PCDH9: variants seen among roughly 807,000 people sequenced by gnomAD.
The protein encoded by PCDH9 is protocadherin 9.
In PCDH9, 24 loss-of-function variants were observed where a neutral mutation model predicts 70.6. The observed-to-expected ratio is 0.34, with a 90% CI of 0.25 to 0.48. PCDH9 has a LOEUF of 0.48. Among genes scored for constraint, PCDH9 ranks in the 20% least tolerant of loss-of-function variants. The probability of loss-of-function intolerance (pLI) is 0.99; values close to 1 mark genes in which losing one functional copy is unlikely to be tolerated. For missense variants in PCDH9, 1,281 were observed against 1,503.6 expected, an observed-to-expected ratio of 0.85 and a Z score of 2.45; for synonymous variants, 562 against 558.5, an observed-to-expected ratio of 1.01 and a Z score of -0.09.
chr13:66,950,119 T>C (rs1046708730), intron 2 of PCDH9, among the ~76,000 whole-genome samples: 2 of 152,120 alleles, frequency 1.3e-5, no homozygotes, highest in Non-Finnish European at 2.9e-5. Context: ...TTAAGTGATA[T>C]ATAGTAATAA....
intron 4 of PCDH9, among the ~76,000 whole-genome samples, chr13:66,418,389 T>C (rs1485454619): frequency 2.6e-5 from 4 of 152,162 alleles, no homozygotes; most frequent in Admixed American, 6.5e-5. Flanking sequence ...CAGCACAATG[T>C]TGTTTGGTTA....
chr13:67,009,207 T>G (rs1302381792), intron 2 of PCDH9, among the ~76,000 whole-genome samples: 2 of 151,998 alleles, frequency 1.3e-5, no homozygotes, highest in Non-Finnish European at 1.5e-5. Context: ...GCTCTAGAAT[T>G]TGCCTTCCCA....
chr13:66,774,667 C>A (rs1248861603), intron 3 of PCDH9, among the ~76,000 whole-genome samples: 1 of 152,128 alleles, frequency 6.6e-6, no homozygotes, highest in Non-Finnish European at 1.5e-5. Context: ...CATATCCATC[C>A]CTCAAGGTGA....
chr13:66,765,323 G>GA (rs2139260863), intron 3 of PCDH9, among the ~76,000 whole-genome samples: 1 of 152,014 alleles, frequency 6.6e-6, no homozygotes, highest in South Asian at 2.1e-4. Flanking sequence ...ATCCAACCCT[G>GA]AAAAAAGATA....
chr13:66,668,575 C>T (rs1453894994), intron 3 of PCDH9, among the ~76,000 whole-genome samples: 1 of 152,000 alleles, frequency 6.6e-6, no homozygotes, highest in African/African-American at 2.4e-5. Context: ...TCTAAATAGC[C>T]CCCTTGTTTG....
chr13:66,605,988 G>T (rs1448044805), intron 4 of PCDH9, among the ~76,000 whole-genome samples: 1 of 152,040 alleles, frequency 6.6e-6, no homozygotes, highest in East Asian at 1.9e-4. Flanking sequence ...TGCAGTTTGG[G>T]GTAGTGACAT....
intron 2 of PCDH9, among the ~76,000 whole-genome samples, chr13:67,058,557 T>C (rs1472523019): frequency 1.3e-5 from 2 of 152,134 alleles, no homozygotes; most frequent in Non-Finnish European, 2.9e-5. Context: ...TAACTACACA[T>C]ACTTTTCCTC....
chr13:66,372,834 G>C (rs1436462757), intron 4 of PCDH9, among the ~76,000 whole-genome samples: 4 of 151,876 alleles, frequency 2.6e-5, no homozygotes, highest in East Asian at 1.9e-4. Context: ...GAGAATATTA[G>C]ATGACCCTAA....
At chr13:67,186,014 G>A (rs1007565410) in intron 2 of PCDH9, among the ~76,000 whole-genome samples, 1 of 152,162 alleles carries the variant, frequency 6.6e-6, no homozygotes, top group Non-Finnish European at 1.5e-5. Context: ...TTACAGGCAT[G>A]AGCCACTGTG....
chr13:66,860,335 GGGGGA>G (rs2081461790), intron 3 of PCDH9, among the ~76,000 whole-genome samples: 1 of 152,096 alleles, frequency 6.6e-6, no homozygotes, highest in African/African-American at 2.4e-5. Flanking sequence ...TTTATTGGCT[GGGGGA>G]GGGGAGGGGT....
In PCDH9 at chr13:67,226,793, G is replaced by A; in HGVS notation, c.1648C>T (p.Pro550Ser). 1 of 1,614,004 alleles carries A rather than the reference G, an allele frequency of 6.2e-7. No homozygotes were observed. The highest frequency in any genetic ancestry group is 8.5e-7 in the Non-Finnish European group (1 of 1,179,924). ...ACAGCCGCTTGGCTTTGGAGGGGAG[G>A]GGTCCCATTGTCCCTGGCAGTTACT... ...FTVTARDNGTPPLQSQAAVIV... is the reference protein window; with the variant it reads ...FTVTARDNGTSPLQSQAAVIV... The change falls in exon 2 of 5, where the codon CCT (proline) becomes TCT (serine). Residue 550 changes from proline (P) to serine (S), a missense_variant. By Grantham distance (74) the Pro-to-Ser change is moderately conservative. This residue lies in a region of PCDH9 where 798 missense variants were observed against 1,003.1 expected (regional missense o/e 0.80). Coordinates refer to ENST00000377865, the MANE Select transcript of PCDH9 (RefSeq NM_203487.3). The surrounding 1 kb of genome is among the most constrained non-coding windows in gnomAD (Gnocchi z 5.0).
At chr13:66,740,511 A>G in intron 3 of PCDH9, among the ~76,000 whole-genome samples, 1 of 138,166 alleles carries the variant, frequency 7.2e-6, no homozygotes, top group Admixed American at 7.5e-5. Flanking sequence ...TGAAGGAAAT[A>G]GAGACACAAA....
At chr13:66,437,927 G>A (rs1957903605) in intron 4 of PCDH9, among the ~76,000 whole-genome samples, 1 of 152,044 alleles carries the variant, frequency 6.6e-6, no homozygotes, top group South Asian at 2.1e-4. Flanking sequence ...TTCTATGGTT[G>A]TTTTCAGTTT....
intron 2 of PCDH9, chr13:66,991,095 A>C (rs2083993757): frequency 6.6e-6 from 1 of 152,028 alleles, no homozygotes; most frequent in African/African-American, 2.4e-5. Flanking sequence ...TCTGGACCAG[A>C]GTCGGTAATA....
intron 4 of PCDH9, among the ~76,000 whole-genome samples, chr13:66,599,403 T>C (rs1406123395): frequency 1.3e-5 from 2 of 151,910 alleles, no homozygotes; most frequent in Non-Finnish European, 2.9e-5. Flanking sequence ...AATAGGTTAC[T>C]TGTAGAGCAT....
chr13:66,482,403 A>G (rs1750195282), intron 4 of PCDH9, among the ~76,000 whole-genome samples: 1 of 152,200 alleles, frequency 6.6e-6, no homozygotes, highest in African/African-American at 2.4e-5. Flanking sequence ...CACACTTTCC[A>G]GGACACGCAG....
At chr13:66,485,177 C>T (rs547301340) in intron 4 of PCDH9, among the ~76,000 whole-genome samples, 5 of 152,124 alleles carry the variant, frequency 3.3e-5, no homozygotes, top group African/African-American at 1.2e-4. Context: ...AATTTAAAAC[C>T]ACTTTTGTTT....
chr13:66,982,445 G>A (rs1453879599), intron 2 of PCDH9, among the ~76,000 whole-genome samples: 2 of 152,154 alleles, frequency 1.3e-5, no homozygotes, highest in African/African-American at 2.4e-5. Flanking sequence ...GTATGTAAAA[G>A]TAGGCATAGG....
chr13:66,322,665 A>C (rs1232525528), intron 4 of PCDH9, among the ~76,000 whole-genome samples: 1 of 152,008 alleles, frequency 6.6e-6, no homozygotes, highest in East Asian at 1.9e-4. Flanking sequence ...TTGTTTTTTC[A>C]GATAGAAAAA....
Sources: gnomAD v4.1 joint callset for allele counts (sites outside exome capture counted in the v4.1 genomes callset) on GRCh38, gnomAD v4.1.1 for gene constraint, gnomAD v4.1.1 regional missense constraint, Gnocchi (gnomAD v3.1) non-coding constraint, MANE v1.5 for transcripts, NCBI Gene and HGNC (gene_info 2026-07-23, HGNC 2026-07-21) for gene names.